VDAC3: variants seen among roughly 807,000 people sequenced by gnomAD.
VDAC3 encodes non-selective voltage-gated ion channel VDAC3.
VDAC3 carries 7 observed loss-of-function variants against 33.9 expected under a neutral mutation model. The ratio of observed to expected loss-of-function variants is 0.21; its 90% CI spans 0.12 to 0.39. The LOEUF is 0.39. Ranked by LOEUF, VDAC3 falls within the 10% of genes least tolerant of loss-of-function variation. The probability of loss-of-function intolerance (pLI) is 1.00; values close to 1 mark genes in which losing one functional copy is unlikely to be tolerated. For missense variants in VDAC3, 261 were observed against 334.5 expected, an observed-to-expected ratio of 0.78 and a Z score of 1.71; for synonymous variants, 100 against 122.4, an observed-to-expected ratio of 0.82 and a Z score of 1.21.
intron 6 of VDAC3, among the ~76,000 whole-genome samples, chr8:42,400,331 A>T (rs535923379): frequency 6.6e-6 from 1 of 151,250 alleles, no homozygotes; most frequent in South Asian, 2.1e-4. Flanking sequence ...TCTGTCTCAA[A>T]AAAAAAAAAA....
chr8:42,398,639 C>T, intron 4 of VDAC3, 73 bp from the exon 5 acceptor site: 1 of 1,501,482 alleles, frequency 6.7e-7, no homozygotes, highest in Non-Finnish European at 9.0e-7. Flanking sequence ...ATACATTGAA[C>T]ACTGCTTTCC....
chr8:42,398,963 A>G (rs941104006), intron 5 of VDAC3, 99 bp downstream of exon 5: 29 of 1,371,872 alleles, frequency 2.1e-5, no homozygotes, highest in Non-Finnish European at 2.6e-5. Flanking sequence ...CTTACAACCT[A>G]TCTAGTAGCC....
chr8:42,396,342 C>A (rs1802317829), intron 4 of VDAC3, among the ~76,000 whole-genome samples: 1 of 152,164 alleles, frequency 6.6e-6, no homozygotes, highest in Non-Finnish European at 1.5e-5. Context: ...TCCTCATTGG[C>A]TGCATCGTTT....
intron 3 of VDAC3, among the ~76,000 whole-genome samples, chr8:42,394,882 C>CT (rs1802278939): frequency 6.6e-6 from 1 of 151,924 alleles, no homozygotes; most frequent in South Asian, 2.1e-4. Flanking sequence ...AAAAGTATAT[C>CT]TTTATTCATT....
At chr8:42,393,501 T>C (rs1009018231) in intron 1 of VDAC3, among the ~76,000 whole-genome samples, 2 of 152,190 alleles carry the variant, frequency 1.3e-5, no homozygotes, top group Non-Finnish European at 2.9e-5. Context: ...GAATTTGATA[T>C]GAGGGTCATA....
chr8:42,394,236 G>T lies in VDAC3; in HGVS notation c.25G>T (p.Asp9Tyr). The change falls in exon 3 of 10, where the codon GAC (aspartate) becomes TAC (tyrosine). Residue 9 changes from aspartate to tyrosine, a missense_variant. Asp to Tyr is a radical substitution (Grantham distance 160). Coordinates refer to ENST00000022615, the MANE Select transcript of VDAC3 (RefSeq NM_005662.7). Reference protein sequence around the residue: MCNTPTYCDLGKAAKDVFN... With the variant: MCNTPTYCYLGKAAKDVFN... ...TATGTGTAACACACCAACGTACTGT[G>T]ACCTAGGAAAGGCTGCTAAGGATGT... 1 of 1,613,682 alleles carries T rather than the reference G, an allele frequency of 6.2e-7. No individual in the cohort carries two copies. Among genetic ancestry groups the T allele is most frequent in the East Asian group, 2.2e-5 (1 of 44,826 alleles).
At chr8:42,394,426 G>C (rs1585947186) in intron 3 of VDAC3, 148 bp downstream of exon 3, 1 of 693,158 alleles carries the variant, frequency 1.4e-6, no homozygotes, top group South Asian at 2.0e-5. Flanking sequence ...CAGGCTATTA[G>C]ACCTCATTCT....
Position 42,397,423 on chromosome 8 carries a change from G to A in VDAC3, c.118-1289G>A, listed in dbSNP as rs934369904. The A allele has an allele frequency of 5.3e-5, 8 of 152,290 alleles. No homozygotes were observed. In the East Asian group the frequency reaches 5.8e-4, roughly 11 times the overall value. 9.4% of individuals were successfully genotyped at this position (152,290 alleles called of 1,614,324 possible). On this transcript the variant is annotated intron_variant, in intron 4 of 9. Coordinates refer to ENST00000022615, the MANE Select transcript of VDAC3 (RefSeq NM_005662.7). ...GGGGACAGGGCATTTGTTAAGGAGA[G>A]GATTCATGTTGCAGGCAGTGAAAAA...
Position 42,394,281 on chromosome 8 carries a change from A to C in VDAC3, c.67+3A>C, listed in dbSNP as rs979072519. On this transcript the variant is annotated splice_donor_region_variant and intron_variant, in intron 3 of 9. Coordinates refer to ENST00000022615, the MANE Select transcript of VDAC3 (RefSeq NM_005662.7). ...GGATGTCTTCAACAAAGGATATGGT[A>C]AGTATGCTATTGTAACTTTCCAGTT... 3 of 1,612,666 alleles carry C rather than the reference A, an allele frequency of 1.9e-6. No individual in the cohort carries two copies. In the African/African-American group the frequency reaches 4.0e-5, roughly 22 times the overall value.
chr8:42,399,549 C>T (rs945289310), intron 5 of VDAC3, 102 bp from the exon 6 acceptor site: 1 of 1,115,872 alleles, frequency 9.0e-7, no homozygotes. Flanking sequence ...TGAATGACTC[C>T]TTTTTTTTGT....
In VDAC3 at chr8:42,405,790, C is replaced by G; in HGVS notation, c.*328C>G. ...TTTGTACATCACGTCCTGCATGTCC[C>G]ACACCATTTTTTCATGACCTTGTAA... On this transcript the variant is annotated 3_prime_UTR_variant, in exon 10 of 10. Coordinates refer to ENST00000022615, the MANE Select transcript of VDAC3 (RefSeq NM_005662.7). The G allele has an allele frequency of 4.5e-6, 1 of 221,370 alleles. No individual in the cohort carries two copies. Among genetic ancestry groups the G allele is most frequent in the Non-Finnish European group, 8.9e-6 (1 of 111,964 alleles). 13.7% of individuals were successfully genotyped at this position (221,370 alleles called of 1,614,324 possible). A position where few individuals can be genotyped will look rare whatever the true frequency, so the allele number is the denominator to read the frequency against.
At chr8:42,405,068 C>T (rs1357618326) in intron 9 of VDAC3, 144 bp downstream of exon 9, 12 of 774,904 alleles carry the variant, frequency 1.5e-5, no homozygotes, top group Admixed American at 2.7e-5. Context: ...GAAAACAATA[C>T]AGATCAAATA....
intron 8 of VDAC3, 33 bp from the exon 9 acceptor site, chr8:42,404,834 G>C (rs186276811): frequency 6.3e-7 from 1 of 1,588,538 alleles, no homozygotes; most frequent in Admixed American, 1.7e-5. Flanking sequence ...GTAATTCACT[G>C]TTTTCTGTTA....
chr8:42,394,218 A>G lies in VDAC3; in HGVS notation c.7A>G (p.Asn3Asp). 6.2e-7 allele frequency: 1 copy of G among 1,613,748 alleles called. No individual in the cohort carries two copies. Among genetic ancestry groups the G allele is most frequent in the African/African-American group, 1.3e-5 (1 of 75,030 alleles). Residue 3 changes from asparagine (N) to aspartate (D), a missense_variant, in exon 3 of 10, where the codon AAC becomes GAC. Coordinates refer to ENST00000022615, the MANE Select transcript of VDAC3 (RefSeq NM_005662.7). The stretch of plus-strand genomic sequence containing the variant: ...CTGTTTTTCTTTATAAGATATGTGT[A>G]ACACACCAACGTACTGTGACCTAGG... MC[N>D]TPTYCDLGKA...
chr8:42,396,559 A>G (rs1802321428), intron 4 of VDAC3: 1 of 649,086 alleles, frequency 1.5e-6, no homozygotes, highest in East Asian at 2.7e-5. Context: ...TTAAAATAGA[A>G]GAATCATTCT....
chr8:42,405,629 C>T lies in VDAC3; in HGVS notation c.*167C>T. The T allele has an allele frequency of 1.7e-6, 1 of 586,624 alleles. No individual in the cohort carries two copies. The highest frequency in any genetic ancestry group is 3.0e-6 in the Non-Finnish European group (1 of 330,792). 36.3% of individuals were successfully genotyped at this position (586,624 alleles called of 1,614,324 possible). A position where few individuals can be genotyped will look rare whatever the true frequency, so the allele number is the denominator to read the frequency against. Reference sequence around the variant, plus strand: ...GAAGTCTAGGGGTTGCGAATCCCTCCTGAGGGAGATGCTTGAAGGCATGCC... The same window carrying T: ...GAAGTCTAGGGGTTGCGAATCCCTCTTGAGGGAGATGCTTGAAGGCATGCC... On this transcript the variant is annotated 3_prime_UTR_variant, in exon 10 of 10. Transcript: ENST00000022615.
chr8:42,400,470 T>C (rs1262752510), intron 6 of VDAC3, among the ~76,000 whole-genome samples: 2 of 152,060 alleles, frequency 1.3e-5, no homozygotes, highest in Non-Finnish European at 2.9e-5. Flanking sequence ...TCTTAGCCTC[T>C]GTAAATCCCC....
chr8:42,398,202 T>G (rs1336569924), intron 4 of VDAC3, among the ~76,000 whole-genome samples: 2 of 152,200 alleles, frequency 1.3e-5, no homozygotes, highest in African/African-American at 4.8e-5. Flanking sequence ...AGGATTACCA[T>G]TTGGTAAGAG....
At chr8:42,395,257 A>G (rs183476513) in intron 4 of VDAC3, 124 bp downstream of exon 4, 1 of 1,433,690 alleles carries the variant, frequency 7.0e-7, no homozygotes, top group East Asian at 2.5e-5. Context: ...TTGTCCTCTC[A>G]GATTTTAAAC....
Sources: gnomAD v4.1 joint callset for allele counts (sites outside exome capture counted in the v4.1 genomes callset) on GRCh38, gnomAD v4.1.1 for gene constraint, MANE v1.5 for transcripts, NCBI Gene and HGNC (gene_info 2026-07-23, HGNC 2026-07-21) for gene names.